SLC4A10: variants seen among roughly 807,000 people sequenced by gnomAD.
SLC4A10 encodes the protein solute carrier family 4 member 10.
A neutral mutation model predicts 137.7 loss-of-function variants in SLC4A10; 42 were observed. That is an observed-to-expected ratio of 0.30 (90% CI 0.24 to 0.39). SLC4A10 has a LOEUF of 0.39. Ranked by LOEUF, SLC4A10 falls within the 10% of genes least tolerant of loss-of-function variation. The pLI is 1.00. For missense variants in SLC4A10, 925 were observed against 1,355.0 expected, an observed-to-expected ratio of 0.68 and a Z score of 4.98; for synonymous variants, 474 against 464.1, an observed-to-expected ratio of 1.02 and a Z score of -0.27.
intron 2 of SLC4A10, 35 bp downstream of exon 2, chr2:161,771,089 G>A (rs768068562): frequency 4.5e-5 from 64 of 1,428,234 alleles, no homozygotes; most frequent in Middle Eastern, 1.8e-4. Flanking sequence ...CTATTGGTGT[G>A]CTTTCCAAAA....
chr2:161,975,280 G>C (rs761239219), intron 24 of SLC4A10, among the ~76,000 whole-genome samples: 6 of 152,000 alleles, frequency 3.9e-5, no homozygotes, highest in African/African-American at 1.5e-4. Flanking sequence ...AAGTGTATTA[G>C]GTAGAAACCT....
At chr2:161,762,446 A>G (rs570193922) in intron 1 of SLC4A10, among the ~76,000 whole-genome samples, 59 of 152,142 alleles carry the variant, frequency 3.9e-4, no homozygotes, top group Non-Finnish European at 6.9e-4. Flanking sequence ...TTAAAGCAGT[A>G]TGATACAATT....
intron 1 of SLC4A10, among the ~76,000 whole-genome samples, chr2:161,664,600 C>T (rs2038830577): frequency 6.6e-6 from 1 of 151,886 alleles, no homozygotes; most frequent in African/African-American, 2.4e-5. Context: ...AGACTTTTCC[C>T]ATAATATTGC....
chr2:161,873,664 TA>T, intron 7 of SLC4A10: 1 of 289,632 alleles, frequency 3.5e-6, no homozygotes, highest in South Asian at 7.9e-5. Flanking sequence ...AATATTTTAA[TA>T]AAGCCCTTAG....
At chr2:161,765,017 G>A (rs1322740172) in intron 1 of SLC4A10, among the ~76,000 whole-genome samples, 3 of 152,034 alleles carry the variant, frequency 2.0e-5, no homozygotes, top group African/African-American at 7.2e-5. Context: ...TCTGTTCCAG[G>A]GCAATAGTCT....
At chr2:161,739,116 TG>T (rs2047630848) in intron 1 of SLC4A10, among the ~76,000 whole-genome samples, 1 of 151,746 alleles carries the variant, frequency 6.6e-6, no homozygotes, top group Non-Finnish European at 1.5e-5. Context: ...AGTGGGTGGG[TG>T]GGGGGAACAT....
intron 1 of SLC4A10, among the ~76,000 whole-genome samples, chr2:161,666,059 A>C (rs1434716727): frequency 1.3e-5 from 2 of 151,082 alleles, no homozygotes; most frequent in Non-Finnish European, 3.0e-5. Context: ...CTATAAGTGA[A>C]CATATATATT....
At chr2:161,701,826 A>G (rs1174817814) in intron 1 of SLC4A10, among the ~76,000 whole-genome samples, 1 of 151,776 alleles carries the variant, frequency 6.6e-6, no homozygotes, top group Non-Finnish European at 1.5e-5. Flanking sequence ...AAATCATCAG[A>G]GATATGCAAA....
intron 1 of SLC4A10, among the ~76,000 whole-genome samples, chr2:161,707,405 A>G (rs1434747015): frequency 6.6e-6 from 1 of 151,444 alleles, no homozygotes; most frequent in African/African-American, 2.4e-5. Flanking sequence ...GTTTCAGGAT[A>G]ATATGTTGCA....
At chr2:161,691,407 C>T (rs552143693) in intron 1 of SLC4A10, among the ~76,000 whole-genome samples, 137 of 151,522 alleles carry the variant, frequency 9.0e-4, no homozygotes, top group African/African-American at 3.2e-3. Flanking sequence ...TATTTGATAG[C>T]ACAACAGAGT....
rs1315095154 is a variant in SLC4A10, at chr2:161,960,930, T to A, written c.2862+2375T>A. On this transcript the variant is annotated intron_variant, in intron 21 of 26. Coordinates refer to ENST00000446997, the MANE Select transcript of SLC4A10 (RefSeq NM_001178015.2). ...ATTTCTATTGATTTAAACCACCAAG[T>A]TGTGGTAATTTGTTAGGACAGTCCT... Among the ~76,000 whole-genome samples the A allele has an allele frequency of 2.0e-5, 3 of 152,138 alleles. No homozygotes were observed. In the East Asian group the frequency reaches 5.8e-4, roughly 29 times the overall value.
chr2:161,862,816 G>C, intron 5 of SLC4A10, 58 bp from the exon 6 acceptor site: 1 of 1,370,612 alleles, frequency 7.3e-7, no homozygotes, highest in South Asian at 2.0e-5. Flanking sequence ...GTGGTTCACG[G>C]CTGGCACACG....
intron 3 of SLC4A10, among the ~76,000 whole-genome samples, chr2:161,837,095 G>A (rs549193085): frequency 4.7e-4 from 72 of 152,130 alleles, no homozygotes; most frequent in Middle Eastern, 3.4e-3. Flanking sequence ...ACTTAATATC[G>A]TACTGGAATT....
intron 3 of SLC4A10, among the ~76,000 whole-genome samples, chr2:161,811,516 T>G (rs1047971851): frequency 1.3e-5 from 2 of 152,070 alleles, no homozygotes; most frequent in Non-Finnish European, 2.9e-5. Context: ...GTAACCATTA[T>G]GAAGTTATGA....
Position 161,977,776 on chromosome 2 carries a change from T to A in SLC4A10, c.*26+16T>A. The A allele has an allele frequency of 6.4e-7, 1 of 1,570,366 alleles. No homozygotes were observed. The stretch of plus-strand genomic sequence containing the variant: ...TTCCCCAAAGGTAAGACCCTCTCCC[T>A]CAAATCTATTCCTTGGTTGCATTTC... On this transcript the variant is annotated intron_variant, in intron 26 of 26. Coordinates refer to ENST00000446997, the MANE Select transcript of SLC4A10 (RefSeq NM_001178015.2).
chr2:161,755,455 T>C (rs2049508012), intron 1 of SLC4A10, among the ~76,000 whole-genome samples: 1 of 152,160 alleles, frequency 6.6e-6, no homozygotes, highest in East Asian at 1.9e-4. Flanking sequence ...ATCTTTAAAA[T>C]ATGGATCATA....
rs573973627 is a variant in SLC4A10 at position 161,940,313 on chromosome 2, C to T, written c.1998-2479C>T. On this transcript the variant is annotated intron_variant, in intron 15 of 26. Transcript: ENST00000446997. Reference sequence around the variant, plus strand: ...CAACAGCGTTTCTTGTCTCCCTTCACCCTTCCCCTCCAGAAGCTAAATTCT... The same window carrying T: ...CAACAGCGTTTCTTGTCTCCCTTCATCCTTCCCCTCCAGAAGCTAAATTCT... 1.6e-4 allele frequency among the ~76,000 whole-genome samples: 24 copies of T among 152,274 alleles called. No individual in the cohort carries two copies. In the South Asian group the frequency reaches 4.8e-3, roughly 30 times the overall value.
chr2:161,858,071 C>G (rs185628629), intron 5 of SLC4A10, among the ~76,000 whole-genome samples: 2 of 152,094 alleles, frequency 1.3e-5, no homozygotes, highest in East Asian at 3.9e-4. Context: ...AACAATCAGC[C>G]CTGAAACTTT....
chr2:161,664,574 G>C (rs1007895809), intron 1 of SLC4A10, among the ~76,000 whole-genome samples: 4 of 151,930 alleles, frequency 2.6e-5, no homozygotes, highest in Admixed American at 1.3e-4. Context: ...TAGATATTTA[G>C]TTCATATTTG....
Sources: allele counts gnomAD v4.1 joint callset (sites outside exome capture counted in the v4.1 genomes callset), GRCh38; gene constraint gnomAD v4.1.1; transcripts MANE v1.5; gene names NCBI Gene and HGNC (gene_info 2026-07-23, HGNC 2026-07-21).